ZFHX4: variants seen among roughly 807,000 people sequenced by gnomAD.
ZFHX4 encodes zinc finger homeobox protein 4.
ZFHX4 carries 56 observed loss-of-function variants against 267.6 expected under a neutral mutation model. That is an observed-to-expected ratio of 0.21 (90% CI 0.17 to 0.26). The LOEUF is 0.26. Ranked by LOEUF, ZFHX4 falls within the 10% of genes least tolerant of loss-of-function variation. ZFHX4 has a pLI of 1.00. For synonymous variants in ZFHX4, 1,778 were observed against 1,665.6 expected, an observed-to-expected ratio of 1.07 and a Z score of -1.64; for missense variants, 4,332 against 4,420.0, an observed-to-expected ratio of 0.98 and a Z score of 0.56.
chr8:76,822,404 T>C (rs1257911323), intron 4 of ZFHX4, among the ~76,000 whole-genome samples: 2 of 151,944 alleles, frequency 1.3e-5, no homozygotes, highest in Non-Finnish European at 2.9e-5. Flanking sequence ...AAGGTTTTTT[T>C]CCTTTGGCCA....
intron 3 of ZFHX4, among the ~76,000 whole-genome samples, chr8:76,729,400 A>G (rs1808938952): frequency 6.6e-6 from 1 of 152,224 alleles, no homozygotes; most frequent in African/African-American, 2.4e-5. Context: ...AGAGGAGCTT[A>G]TGAAGTGGGG....
At chr8:76,816,393 T>C (rs1380083601) in intron 4 of ZFHX4, among the ~76,000 whole-genome samples, 1 of 152,138 alleles carries the variant, frequency 6.6e-6, no homozygotes, top group East Asian at 1.9e-4. Context: ...TTCTTTTGCC[T>C]CAAGAATATT....
intron 3 of ZFHX4, among the ~76,000 whole-genome samples, chr8:76,765,464 T>C (rs1209204341): frequency 2.0e-5 from 3 of 152,148 alleles, no homozygotes; most frequent in Admixed American, 6.6e-5. Flanking sequence ...GTAGCTTTAC[T>C]CAAATATTAA....
chr8:76,850,858 G>A (rs773792697), intron 9 of ZFHX4, 28 bp from the exon 10 acceptor site: 5 of 1,520,254 alleles, frequency 3.3e-6, no homozygotes, highest in Non-Finnish European at 4.4e-6. Context: ...CTTATTGTAA[G>A]AGAGATGTTT....
chr8:76,852,861 A>G lies in ZFHX4; in HGVS notation c.5940A>G (p.Lys1980=). Reference sequence around the variant, plus strand: ...TTTTTCCATATGCAGCGCTAGAAAAATTTGCTCGTCAATACAGGGAGGCCT... The same window carrying G: ...TTTTTCCATATGCAGCGCTAGAAAAGTTTGCTCGTCAATACAGGGAGGCCT... ...GQFFPYAALE[K]FARQYREAYD... The change falls in exon 10 of 11, where the codon AAA becomes AAG. Residue 1980 remains lysine, a synonymous_variant. Coordinates refer to ENST00000651372, the MANE Select transcript of ZFHX4 (RefSeq NM_024721.5). 1 of 1,613,826 alleles carries G rather than the reference A, an allele frequency of 6.2e-7. No individual in the cohort carries two copies. Among genetic ancestry groups the G allele is most frequent in the African/African-American group, 1.3e-5 (1 of 75,026 alleles).
rs762241892 is a variant in ZFHX4, at chr8:76,705,829, G to A, written c.1741G>A (p.Asp581Asn). 1 of 1,613,932 alleles carries A rather than the reference G, an allele frequency of 6.2e-7. No individual in the cohort carries two copies. The highest frequency in any genetic ancestry group is 2.2e-5 in the East Asian group (1 of 44,852). The change falls in exon 2 of 11, where the codon GAC becomes AAC. Residue 581 changes from aspartate to asparagine, a missense_variant. By Grantham distance (23) the Asp-to-Asn change is conservative. Around this residue, in one of 7 missense-constraint regions of ZFHX4, gnomAD observed 1,195 missense variants for 1,173.6 expected, o/e 1.02. Coordinates refer to ENST00000651372, the MANE Select transcript of ZFHX4 (RefSeq NM_024721.5). The stretch of plus-strand genomic sequence containing the variant: ...TCATCCAAGTGAAATAGCCCGGGGA[G>A]ACGAAGACAGTTCAGCCACTCCTCA... ...AAHPSEIARG[D>N]EDSSATPHQH... is the part of the protein sequence containing the mutation.
intron 3 of ZFHX4, among the ~76,000 whole-genome samples, chr8:76,718,638 A>C (rs1305663977): frequency 1.3e-5 from 2 of 152,144 alleles, no homozygotes; most frequent in African/African-American, 2.4e-5. Flanking sequence ...AAATATTAGA[A>C]AAACTAAAAT....
chr8:76,740,755 A>G (rs969209264), intron 3 of ZFHX4, among the ~76,000 whole-genome samples: 3 of 152,188 alleles, frequency 2.0e-5, no homozygotes, highest in Non-Finnish European at 4.4e-5. Context: ...TGTGCTAGAA[A>G]TAGGTGACAA....
At chr8:76,759,489 T>G (rs968374255) in intron 3 of ZFHX4, among the ~76,000 whole-genome samples, 1 of 152,184 alleles carries the variant, frequency 6.6e-6, no homozygotes, top group Non-Finnish European at 1.5e-5. Context: ...TTAAATAAAA[T>G]GATCTGCCCC....
In ZFHX4 at chr8:76,856,276, C is replaced by A. The variant is rs61729535; in HGVS notation, c.9355C>A (p.Pro3119Thr). Residue 3119 changes from proline (P) to threonine (T), a missense_variant, in exon 10 of 11, where the codon CCG becomes ACG. Transcript: ENST00000651372. ...LPGMNGPSSLPGFPQNSNTLT... is the reference protein window; with the variant it reads ...LPGMNGPSSLTGFPQNSNTLT... Reference sequence around the variant, plus strand: ...CGGAATGAACGGTCCATCCTCCTTGCCGGGATTTCCACAAAATTCAAACAG... The same window carrying A: ...CGGAATGAACGGTCCATCCTCCTTGACGGGATTTCCACAAAATTCAAACAG... The A allele has an allele frequency of 6.7e-4, 1,080 of 1,613,886 alleles. 11 individuals are homozygous for A. In the East Asian group the frequency reaches 0.019, roughly 29 times the overall value.
intron 3 of ZFHX4, among the ~76,000 whole-genome samples, chr8:76,727,588 C>T (rs982132026): frequency 6.6e-6 from 1 of 152,158 alleles, no homozygotes; most frequent in Admixed American, 6.6e-5. Context: ...TGCAGGAATA[C>T]ATATTTCAGA....
chr8:76,829,736 G>A (rs375896540), intron 4 of ZFHX4, among the ~76,000 whole-genome samples: 8 of 152,176 alleles, frequency 5.3e-5, no homozygotes, highest in South Asian at 4.1e-4. Context: ...TTCATGAACC[G>A]GGACCCAAGG....
intron 3 of ZFHX4, among the ~76,000 whole-genome samples, chr8:76,774,102 G>A (rs1429738723): frequency 6.6e-6 from 1 of 152,072 alleles, no homozygotes; most frequent in African/African-American, 2.4e-5. Context: ...TCCAAATCCT[G>A]TAAGTTGCTC....
At chr8:76,735,754 A>G (rs1809142275) in intron 3 of ZFHX4, among the ~76,000 whole-genome samples, 1 of 152,084 alleles carries the variant, frequency 6.6e-6, no homozygotes, top group Admixed American at 6.6e-5. Context: ...AATTTAGGTC[A>G]ATGGATCGAG....
Position 76,849,044 on chromosome 8 carries a change from C to T in ZFHX4, c.3561C>T (p.Thr1187=). The change falls in exon 7 of 11, where the codon ACC becomes ACT. Residue 1187 remains threonine (T), a synonymous_variant. Transcript: ENST00000651372. ...TAAAAGTTAGTGTGGCAGGGGGTAC[C>T]CAGCCACTCCTGCTGGCAAAAGAAG... is the stretch of plus-strand genomic sequence containing the variant. ...KELKVSVAGG[T]QPLLLAKEED... 1 of 1,563,944 alleles carries T rather than the reference C, an allele frequency of 6.4e-7. No homozygotes were observed. Among genetic ancestry groups the T allele is most frequent in the Non-Finnish European group, 8.7e-7 (1 of 1,153,786 alleles).
chr8:76,774,667 A>C (rs1810358268), intron 3 of ZFHX4, among the ~76,000 whole-genome samples: 1 of 152,098 alleles, frequency 6.6e-6, no homozygotes, highest in Admixed American at 6.6e-5. Context: ...TTAGAATTGA[A>C]ATTTATGATT....
intron 6 of ZFHX4, among the ~76,000 whole-genome samples, chr8:76,848,555 T>TTA (rs2131932139): frequency 6.6e-6 from 1 of 152,352 alleles, no homozygotes; most frequent in South Asian, 2.1e-4. Context: ...AGTTTCTGAA[T>TTA]TATAACCAGT....
At chr8:76,794,875 G>A (rs886813181) in intron 4 of ZFHX4, among the ~76,000 whole-genome samples, 1 of 111,032 alleles carries the variant, frequency 9.0e-6, no homozygotes, top group African/African-American at 4.8e-5. Context: ...GCCTGTCATT[G>A]TGTGTGTGTG....
intron 10 of ZFHX4, among the ~76,000 whole-genome samples, chr8:76,862,601 T>C (rs574086524): frequency 1.3e-5 from 2 of 152,342 alleles, no homozygotes; most frequent in African/African-American, 4.8e-5. Flanking sequence ...TGCTGGAACA[T>C]AGGCAGATGG....
Sources: gnomAD v4.1 joint callset for allele counts (sites outside exome capture counted in the v4.1 genomes callset) on GRCh38, gnomAD v4.1.1 for gene constraint, gnomAD v4.1.1 regional missense constraint, MANE v1.5 for transcripts, NCBI Gene and HGNC (gene_info 2026-07-23, HGNC 2026-07-21) for gene names.